The following ATP8A2 variants were observed in gnomAD, a reference collection of about 807,000 sequenced individuals.
The protein encoded by ATP8A2 is phospholipid-transporting ATPase IB.
In ATP8A2, 100 loss-of-function variants were observed where a neutral mutation model predicts 165.6. The ratio of observed to expected loss-of-function variants is 0.60; its 90% CI spans 0.51 to 0.71. ATP8A2 has a LOEUF of 0.71. Among genes scored for constraint, ATP8A2 ranks in the 30% least tolerant of loss-of-function variants. ATP8A2 has a pLI of 0.00. For synonymous variants in ATP8A2, 543 were observed against 548.8 expected, an observed-to-expected ratio of 0.99 and a Z score of 0.15; for missense variants, 1,227 against 1,479.5, an observed-to-expected ratio of 0.83 and a Z score of 2.80.
At chr13:25,909,841 T>C (rs1329716591) in intron 33 of ATP8A2, among the ~76,000 whole-genome samples, 2 of 152,310 alleles carry the variant, frequency 1.3e-5, no homozygotes, top group East Asian at 1.9e-4. Flanking sequence ...ACTGTTCTAC[T>C]TCCTGTCTCT....
intron 35 of ATP8A2, among the ~76,000 whole-genome samples, chr13:25,976,772 G>A (rs1956050845): frequency 2.0e-5 from 3 of 151,400 alleles, no homozygotes; most frequent in Admixed American, 2.0e-4. Flanking sequence ...GTGTGTGAAA[G>A]CGGCTCATTT....
chr13:25,809,144 G>A (rs1464368236), intron 27 of ATP8A2, among the ~76,000 whole-genome samples: 2 of 152,098 alleles, frequency 1.3e-5, no homozygotes, highest in East Asian at 3.9e-4. Context: ...AAAGTGAGGT[G>A]TCTTCAAAGA....
At chr13:25,836,685 G>A (rs917475011) in intron 28 of ATP8A2, among the ~76,000 whole-genome samples, 1 of 151,970 alleles carries the variant, frequency 6.6e-6, no homozygotes, top group Non-Finnish European at 1.5e-5. Context: ...TCCATTCCTG[G>A]TGCTTATCAC....
chr13:25,982,326 T>A (rs776041165), intron 35 of ATP8A2, among the ~76,000 whole-genome samples: 3 of 152,256 alleles, frequency 2.0e-5, no homozygotes, highest in Non-Finnish European at 2.9e-5. Flanking sequence ...AAATTCCTTT[T>A]GCATGTTCCC....
At chr13:25,708,510 T>C (rs1207721603) in intron 25 of ATP8A2, among the ~76,000 whole-genome samples, 1 of 152,224 alleles carries the variant, frequency 6.6e-6, no homozygotes, top group African/African-American at 2.4e-5. Flanking sequence ...CATCTGACAC[T>C]TTCCCTCATC....
rs565614962 is a variant in ATP8A2, at chr13:25,870,338, A to G, written c.3183+7930A>G. 3.3e-5 allele frequency among the ~76,000 whole-genome samples: 5 copies of G among 152,178 alleles called. No homozygotes were observed. The South Asian group carries it at 1.0e-3, about 32-fold the overall frequency. On this transcript the variant is annotated intron_variant, in intron 33 of 36. Transcript: ENST00000381655. ...GGTCAGGGTGGTTTTGGGAAATGCA[A>G]CATTTGGGCAGGAAAATAAAAATGC...
chr13:25,425,021 A>G (rs537779190), intron 1 of ATP8A2, among the ~76,000 whole-genome samples: 14 of 152,316 alleles, frequency 9.2e-5, no homozygotes, highest in South Asian at 2.1e-4. Context: ...AGTTTTCCTG[A>G]TAGATCATGT....
chr13:25,392,121 A>G (rs1341254008), intron 1 of ATP8A2, among the ~76,000 whole-genome samples: 3 of 152,226 alleles, frequency 2.0e-5, no homozygotes, highest in Admixed American at 1.3e-4. Flanking sequence ...ACACGCAGCA[A>G]TAGATAATGA....
rs759666800 is a variant in ATP8A2 at position 25,801,578 on chromosome 13, CCTT to C, written c.2680-26530_2680-26528del. 7.9e-5 allele frequency among the ~76,000 whole-genome samples: 12 copies of C among 152,222 alleles called. 1 individual carries two copies. The highest frequency in any genetic ancestry group is 5.8e-4 in the East Asian group (3 of 5,172). On this transcript the variant is annotated intron_variant, in intron 27 of 36. Coordinates refer to ENST00000381655, the MANE Select transcript of ATP8A2 (RefSeq NM_016529.6). ...ACTGCTTCTGGGTACTCCTCCTTCT[CCTT>C]CTTCTTCTTGCCAGAGGCCTTGAAT... is the stretch of plus-strand genomic sequence containing the variant.
chr13:25,945,491 T>C (rs916652985), intron 33 of ATP8A2, among the ~76,000 whole-genome samples: 3 of 152,230 alleles, frequency 2.0e-5, no homozygotes, highest in Admixed American at 6.5e-5. Flanking sequence ...ATGGACATTC[T>C]TCACAATTTT....
chr13:25,461,406 A>T (rs1470830090), intron 1 of ATP8A2, among the ~76,000 whole-genome samples: 1 of 152,176 alleles, frequency 6.6e-6, no homozygotes, highest in African/African-American at 2.4e-5. Flanking sequence ...GTTCTGAGGG[A>T]TTATAAAACA....
chr13:25,434,356 T>C (rs2034697168), intron 1 of ATP8A2, among the ~76,000 whole-genome samples: 1 of 152,006 alleles, frequency 6.6e-6, no homozygotes, highest in Non-Finnish European at 1.5e-5. Flanking sequence ...CTCTCTTTTT[T>C]TTTGTTTTTT....
chr13:25,502,639 T>C (rs1241916108), intron 2 of ATP8A2, among the ~76,000 whole-genome samples: 2 of 152,210 alleles, frequency 1.3e-5, no homozygotes, highest in Non-Finnish European at 2.9e-5. Flanking sequence ...TATGATAATA[T>C]TCAGAAGAAC....
At chr13:25,918,895 G>A (rs1011421315) in intron 33 of ATP8A2, among the ~76,000 whole-genome samples, 5 of 152,310 alleles carry the variant, frequency 3.3e-5, no homozygotes, top group Admixed American at 2.0e-4. Context: ...ATTAAAGGGT[G>A]CAAATTGCAC....
intron 33 of ATP8A2, among the ~76,000 whole-genome samples, chr13:25,887,796 T>C (rs1452600974): frequency 1.3e-5 from 2 of 152,236 alleles, no homozygotes; most frequent in South Asian, 2.1e-4. Flanking sequence ...TATTAAGTTT[T>C]GATTTGTCTA....
At chr13:25,402,813 A>C (rs763166272) in intron 1 of ATP8A2, among the ~76,000 whole-genome samples, 1 of 152,146 alleles carries the variant, frequency 6.6e-6, no homozygotes, top group Non-Finnish European at 1.5e-5. Flanking sequence ...GCTATAATGA[A>C]ATACCTTAGA....
intron 1 of ATP8A2, among the ~76,000 whole-genome samples, chr13:25,407,257 C>G (rs1450371220): frequency 6.6e-6 from 1 of 152,222 alleles, no homozygotes; most frequent in Non-Finnish European, 1.5e-5. Flanking sequence ...AAGACAGACT[C>G]ATTCTTAAAG....
chr13:25,562,962 A>G (rs2039203444), intron 15 of ATP8A2, among the ~76,000 whole-genome samples: 1 of 152,172 alleles, frequency 6.6e-6, no homozygotes, highest in Admixed American at 6.5e-5. Context: ...CCACCTTCCC[A>G]GCACACTGTT....
chr13:25,871,657 A>C (rs1028682832), intron 33 of ATP8A2, among the ~76,000 whole-genome samples: 19 of 152,194 alleles, frequency 1.2e-4, no homozygotes, highest in Non-Finnish European at 2.5e-4. Flanking sequence ...GAACAGACTT[A>C]AAAGTAGGGG....
Sources: allele counts gnomAD v4.1 joint callset (sites outside exome capture counted in the v4.1 genomes callset), GRCh38; gene constraint gnomAD v4.1.1; transcripts MANE v1.5; gene names NCBI Gene and HGNC (gene_info 2026-07-23, HGNC 2026-07-21).